The following KCNAB1 variants were observed in gnomAD, a reference collection of about 807,000 sequenced individuals.
The protein encoded by KCNAB1 is potassium voltage-gated channel subfamily A regulatory beta subunit 1, also known as voltage-gated potassium channel subunit beta-1.
A neutral mutation model predicts 64.6 loss-of-function variants in KCNAB1; 35 were observed. The observed-to-expected ratio is 0.54, with a 90% CI of 0.41 to 0.72. The LOEUF (loss-of-function observed/expected upper bound fraction) is 0.72, where lower values mean the gene tolerates loss of function less well. Among genes scored for constraint, KCNAB1 ranks in the 30% least tolerant of loss-of-function variants. The pLI is 0.00. For synonymous variants in KCNAB1, 177 were observed against 183.8 expected (o/e 0.96, Z 0.30); for missense variants, 401 against 512.9 (o/e 0.78, Z 2.11).
chr3:156,201,029 A>G (rs951183711), intron 1 of KCNAB1, among the ~76,000 whole-genome samples: 2 of 152,186 alleles, frequency 1.3e-5, no homozygotes, highest in African/African-American at 4.8e-5. Flanking sequence ...TCTGGGCCAG[A>G]TAGCACAGTC....
chr3:156,373,414 G>A (rs1390492132), intron 1 of KCNAB1, among the ~76,000 whole-genome samples: 1 of 152,196 alleles, frequency 6.6e-6, no homozygotes, highest in African/African-American at 2.4e-5. Context: ...AGGATAATTT[G>A]GAGAGACTTC....
intron 1 of KCNAB1, chr3:156,273,564 T>A (rs1487151560): frequency 2.2e-6 from 1 of 456,494 alleles, no homozygotes; most frequent in Admixed American, 2.3e-5. Context: ...CAGATGCTCT[T>A]TCCATGCCAT....
chr3:156,515,115 G>A lies in KCNAB1; in HGVS notation c.760G>A (p.Ala254Thr). 6.2e-7 allele frequency: 1 copy of A among 1,611,676 alleles called. No homozygotes were observed. Among genetic ancestry groups the A allele is most frequent in the Non-Finnish European group, 8.5e-7 (1 of 1,178,968 alleles). ...TCCTCCCTAGGAAGCCTATTCTGTA[G>A]CAAGACAGTTCAATATGATCCCACC... ...AMEIMEAYSVARQFNMIPPVC... is the reference protein window; with the variant it reads ...AMEIMEAYSVTRQFNMIPPVC... The change falls in exon 10 of 14, where the codon GCA becomes ACA. Residue 254 changes from alanine to threonine, a missense_variant. Coordinates refer to ENST00000490337, the MANE Select transcript of KCNAB1 (RefSeq NM_172160.3).
intron 1 of KCNAB1, among the ~76,000 whole-genome samples, chr3:156,244,770 A>C (rs1048427101): frequency 1.3e-5 from 2 of 152,226 alleles, no homozygotes; most frequent in Non-Finnish European, 2.9e-5. Context: ...TAGAGGATAA[A>C]GACTTGGCTG....
intron 1 of KCNAB1, among the ~76,000 whole-genome samples, chr3:156,256,690 T>C (rs1256836900): frequency 6.6e-6 from 1 of 152,228 alleles, no homozygotes; most frequent in Non-Finnish European, 1.5e-5. Context: ...TTAAGTATTT[T>C]TTTTACCCCA....
At chr3:156,204,810 C>T (rs889558906) in intron 1 of KCNAB1, among the ~76,000 whole-genome samples, 7 of 151,608 alleles carry the variant, frequency 4.6e-5, no homozygotes, top group Non-Finnish European at 7.4e-5. Flanking sequence ...CCAGTCTGGG[C>T]GACAGAGTGA....
chr3:156,291,434 TG>T lies in KCNAB1; in HGVS notation c.276-130180del, dbSNP rs997661859. The T allele has an allele frequency of 7.9e-6, 8 of 1,007,968 alleles. No homozygotes were observed. The African/African-American group carries it at 1.4e-4, about 17-fold the overall frequency. 62.4% of individuals were successfully genotyped at this position (1,007,968 alleles called of 1,614,324 possible). ...ATCCTGCCTGTGGTCCAGGGGATGCTGGCGGCGCATCTTGCGGTAAGCCTGC... is the reference window on the plus strand; with the variant it reads ...ATCCTGCCTGTGGTCCAGGGGATGCTGCGGCGCATCTTGCGGTAAGCCTGC... On this transcript the variant is annotated intron_variant, in intron 1 of 13. Coordinates refer to ENST00000490337, the MANE Select transcript of KCNAB1 (RefSeq NM_172160.3).
intron 1 of KCNAB1, among the ~76,000 whole-genome samples, chr3:156,258,493 C>G (rs1718234745): frequency 6.6e-6 from 1 of 152,176 alleles, no homozygotes; most frequent in Non-Finnish European, 1.5e-5. Flanking sequence ...TGCTGTTGAA[C>G]AGCCCACACC....
At chr3:156,464,451 G>A (rs938507510) in intron 6 of KCNAB1, among the ~76,000 whole-genome samples, 1 of 149,708 alleles carries the variant, frequency 6.7e-6, no homozygotes, top group Non-Finnish European at 1.5e-5. Context: ...CATTGGTACT[G>A]TGCTTTTCCA....
At chr3:156,197,777 C>A (rs1576596933) in intron 1 of KCNAB1, among the ~76,000 whole-genome samples, 1 of 152,028 alleles carries the variant, frequency 6.6e-6, no homozygotes, top group Non-Finnish European at 1.5e-5. Flanking sequence ...AAGGGATTTT[C>A]ATGTCTCTAT....
chr3:156,130,979 G>A (rs191267505), intron 1 of KCNAB1, among the ~76,000 whole-genome samples: 1 of 152,336 alleles, frequency 6.6e-6, no homozygotes, highest in East Asian at 1.9e-4. Context: ...GGCCTGAGGA[G>A]GCACCCAAGT....
chr3:156,440,354 A>G (rs925263652), intron 2 of KCNAB1, among the ~76,000 whole-genome samples: 1 of 152,274 alleles, frequency 6.6e-6, no homozygotes, highest in Admixed American at 6.5e-5. Context: ...TGGTTATAAC[A>G]TCATCACCTC....
At chr3:156,383,808 C>T (rs1344689622) in intron 1 of KCNAB1, among the ~76,000 whole-genome samples, 4 of 152,220 alleles carry the variant, frequency 2.6e-5, no homozygotes, top group Admixed American at 6.5e-5. Context: ...TGATAGGCAT[C>T]GGCAGAGATG....
intron 12 of KCNAB1, among the ~76,000 whole-genome samples, chr3:156,525,871 AATTT>A (rs1168911874): frequency 6.6e-6 from 1 of 152,206 alleles, no homozygotes; most frequent in Non-Finnish European, 1.5e-5. Flanking sequence ...AGCTAATGTT[AATTT>A]ATTATTGAAG....
chr3:156,132,331 G>GGTCT (rs1714043662), intron 1 of KCNAB1, among the ~76,000 whole-genome samples: 1 of 152,216 alleles, frequency 6.6e-6, no homozygotes, highest in Admixed American at 6.5e-5. Flanking sequence ...GAGACCTGTA[G>GGTCT]ATGGTCATCT....
At chr3:156,319,307 C>T (rs1722499314) in intron 1 of KCNAB1, among the ~76,000 whole-genome samples, 1 of 152,190 alleles carries the variant, frequency 6.6e-6, no homozygotes. Context: ...TTAGTTTTTG[C>T]TCACACTACA....
At chr3:156,393,164 C>T (rs1053223156) in intron 1 of KCNAB1, among the ~76,000 whole-genome samples, 3 of 152,144 alleles carry the variant, frequency 2.0e-5, no homozygotes, top group African/African-American at 2.4e-5. Context: ...CTAAGAGGGG[C>T]TCCAGAACAG....
At chr3:156,215,187 C>T (rs556242149) in intron 1 of KCNAB1, among the ~76,000 whole-genome samples, 3 of 152,188 alleles carry the variant, frequency 2.0e-5, no homozygotes, top group Admixed American at 6.5e-5. Context: ...AAAAGAGAAG[C>T]TATGGAAGTT....
chr3:156,336,911 A>G (rs577427094), intron 1 of KCNAB1, among the ~76,000 whole-genome samples: 1 of 152,256 alleles, frequency 6.6e-6, no homozygotes, highest in African/African-American at 2.4e-5. Flanking sequence ...TGCAGATTAG[A>G]TTAGCATTAT....
Sources: allele counts gnomAD v4.1 joint callset (sites outside exome capture counted in the v4.1 genomes callset), GRCh38; gene constraint gnomAD v4.1.1; transcripts MANE v1.5; gene names NCBI Gene and HGNC (gene_info 2026-07-23, HGNC 2026-07-21).